CFAP54: variants seen among roughly 807,000 people sequenced by gnomAD.
CFAP54 encodes the protein cilia- and flagella-associated protein 54.
Under a neutral mutation model 370.4 loss-of-function variants are expected in CFAP54, and 290 were observed. That is an observed-to-expected ratio of 0.78 (90% CI 0.71 to 0.86). CFAP54 has a LOEUF of 0.86. CFAP54 is among the 40% of genes least tolerant of loss of function. The pLI is 0.00. For synonymous variants in CFAP54, 1,206 were observed against 1,236.5 expected (o/e 0.98, Z 0.52); for missense variants, 3,399 against 3,528.7 (o/e 0.96, Z 0.93).
intron 39 of CFAP54, among the ~76,000 whole-genome samples, chr12:96,669,285 A>G (rs1033069079): frequency 3.9e-5 from 6 of 152,222 alleles, no homozygotes; most frequent in Admixed American, 3.9e-4. Flanking sequence ...GAGCTAGTTA[A>G]AAGGATTTAA....
intron 58 of CFAP54, among the ~76,000 whole-genome samples, chr12:96,760,516 G>A (rs1012867306): frequency 1.3e-5 from 2 of 152,142 alleles, no homozygotes; most frequent in African/African-American, 4.8e-5. Flanking sequence ...GACATTTCAT[G>A]TAAATAGAAT....
At chr12:96,780,135 TTTA>T (rs1289829219) in intron 60 of CFAP54, among the ~76,000 whole-genome samples, 4 of 152,170 alleles carry the variant, frequency 2.6e-5, no homozygotes, top group African/African-American at 9.6e-5. Flanking sequence ...CATTCTTTGT[TTTA>T]CCTTTTTATT....
chr12:96,851,487 A>G (rs1959546232), intron 66 of CFAP54, among the ~76,000 whole-genome samples: 1 of 152,130 alleles, frequency 6.6e-6, no homozygotes, highest in Non-Finnish European at 1.5e-5. Context: ...ATCTGTAAAC[A>G]TAAATATTAA....
rs142301747 is a variant in CFAP54, at chr12:96,492,944, G to A, written c.317+3018G>A. Among the ~76,000 whole-genome samples, 180 of 150,916 alleles carry A rather than the reference G, an allele frequency of 1.2e-3. 1 individual carries two copies. Among genetic ancestry groups the A allele is most frequent in the African/African-American group, 4.3e-3 (175 of 40,952 alleles). The stretch of plus-strand genomic sequence containing the variant: ...AGGAGGTGGAGGTTGCCAGTGTGCC[G>A]AGATCATGCCACTGCACTCCACCCT... On this transcript the variant is annotated intron_variant, in intron 1 of 67. Transcript: ENST00000524981.
intron 38 of CFAP54, 58 bp downstream of exon 38, chr12:96,658,404 T>TA: frequency 1.3e-6 from 2 of 1,562,600 alleles, no homozygotes; most frequent in Non-Finnish European, 1.8e-6. Context: ...AGTCCACATA[T>TA]AAAATACAAA....
intron 60 of CFAP54, among the ~76,000 whole-genome samples, chr12:96,775,537 A>G (rs904395421): frequency 2.0e-5 from 3 of 152,228 alleles, no homozygotes; most frequent in African/African-American, 7.2e-5. Context: ...TAAAAATGTA[A>G]AAACCATTTT....
Position 96,786,963 on chromosome 12 carries a change from A to G in CFAP54, c.8679+65A>G, listed in dbSNP as rs1438717732. 2.5e-6 allele frequency: 3 copies of G among 1,181,404 alleles called. No homozygotes were observed. In the African/African-American group the frequency reaches 4.6e-5, roughly 18 times the overall value. 73.2% of individuals were successfully genotyped at this position (1,181,404 alleles called of 1,614,324 possible). ...CTTGGAATCATCATTATATTTCAGA[A>G]GGAAACACATTAGCTTCCATGCTGG... On this transcript the variant is annotated intron_variant, in intron 62 of 67. Transcript: ENST00000524981.
intron 62 of CFAP54, among the ~76,000 whole-genome samples, chr12:96,791,860 T>C (rs1958700370): frequency 6.6e-6 from 1 of 151,144 alleles, no homozygotes; most frequent in Non-Finnish European, 1.5e-5. Flanking sequence ...TCTTTTTTTT[T>C]TTTTTTTGAG....
intron 40 of CFAP54, 82 bp from the exon 41 acceptor site, chr12:96,684,566 G>A (rs1957304465): frequency 2.7e-6 from 3 of 1,104,422 alleles, no homozygotes; most frequent in Non-Finnish European, 4.1e-6. Flanking sequence ...AAGGAATAGT[G>A]CAGTTTAAAA....
chr12:96,687,522 G>A (rs1957342154), intron 42 of CFAP54, among the ~76,000 whole-genome samples: 2 of 152,170 alleles, frequency 1.3e-5, no homozygotes, highest in Admixed American at 1.3e-4. Flanking sequence ...CTTACCTGTC[G>A]GAGGTGGTGA....
chr12:96,579,539 G>A (rs572510788), intron 20 of CFAP54, among the ~76,000 whole-genome samples: 6 of 152,108 alleles, frequency 3.9e-5, no homozygotes, highest in East Asian at 1.9e-4. Flanking sequence ...GCTGTAAGAC[G>A]TAGTTGTATT....
At chr12:96,742,998 G>A (rs1958069291) in intron 52 of CFAP54, among the ~76,000 whole-genome samples, 1 of 152,082 alleles carries the variant, frequency 6.6e-6, no homozygotes, top group African/African-American at 2.4e-5. Context: ...CCTGTAAAAT[G>A]GAGACAATTG....
At chr12:96,699,417 C>A (rs1957468672) in intron 45 of CFAP54, among the ~76,000 whole-genome samples, 1 of 152,140 alleles carries the variant, frequency 6.6e-6, no homozygotes, top group Non-Finnish European at 1.5e-5. Context: ...ATGAAATAAT[C>A]TGTATACCAA....
chr12:96,700,452 A>G (rs575312142), intron 46 of CFAP54, among the ~76,000 whole-genome samples: 9 of 152,308 alleles, frequency 5.9e-5, no homozygotes, highest in African/African-American at 2.2e-4. Context: ...TTTAAATCAA[A>G]ATAGTCTTTC....
chr12:96,641,382 C>T (rs953719680), intron 32 of CFAP54, among the ~76,000 whole-genome samples: 2 of 152,100 alleles, frequency 1.3e-5, no homozygotes, highest in Non-Finnish European at 2.9e-5. Context: ...AATGAGATAC[C>T]ATCTCACACC....
intron 26 of CFAP54, among the ~76,000 whole-genome samples, chr12:96,612,771 A>G (rs574630048): frequency 1.3e-5 from 2 of 152,202 alleles, no homozygotes; most frequent in African/African-American, 4.8e-5. Flanking sequence ...AAAGAGACAA[A>G]GAAGACCATT....
chr12:96,540,695 TTAA>T (rs1955560534), intron 13 of CFAP54, 139 bp from the exon 14 acceptor site: 2 of 428,026 alleles, frequency 4.7e-6, no homozygotes, highest in Non-Finnish European at 8.0e-6. Flanking sequence ...AATTAAGGCG[TTAA>T]TAAGGAGGGG....
chr12:96,823,535 G>A (rs1959056105), intron 65 of CFAP54, among the ~76,000 whole-genome samples: 1 of 152,200 alleles, frequency 6.6e-6, no homozygotes, highest in South Asian at 2.1e-4. Flanking sequence ...TGTGGCAGAA[G>A]TACAGGGTGA....
intron 66 of CFAP54, among the ~76,000 whole-genome samples, chr12:96,848,113 G>A (rs140864061): frequency 2.6e-5 from 4 of 152,148 alleles, no homozygotes; most frequent in African/African-American, 7.2e-5. Context: ...GTCTTGCTCT[G>A]TTGCCCAGGC....
Sources: gnomAD v4.1 joint callset for allele counts (sites outside exome capture counted in the v4.1 genomes callset) on GRCh38, gnomAD v4.1.1 for gene constraint, MANE v1.5 for transcripts, NCBI Gene and HGNC (gene_info 2026-07-23, HGNC 2026-07-21) for gene names.